SEMA3D: variants seen among roughly 807,000 people sequenced by gnomAD.
SEMA3D encodes semaphorin-3D.
In SEMA3D, 84 loss-of-function variants were observed where a neutral mutation model predicts 100.1. That is an observed-to-expected ratio of 0.84 (90% confidence interval 0.70 to 1.01). The LOEUF is 1.01. Among genes scored for constraint, SEMA3D ranks in the 50% least tolerant of loss-of-function variants. The pLI is 0.00. For missense variants in SEMA3D, 875 were observed against 934.1 expected (o/e 0.94, Z 0.82); for synonymous variants, 312 against 320.7 (o/e 0.97, Z 0.29).
At chr7:85,230,152 C>T in the SEMA3D span, among the ~76,000 whole-genome samples, 1 of 151,986 alleles carries the variant, frequency 6.6e-6, no homozygotes, top group South Asian at 2.1e-4. Flanking sequence ...TTGTTCACTT[C>T]TTCCATTCTC....
At chr7:85,053,539 A>T (rs981455443) in intron 9 of SEMA3D, among the ~76,000 whole-genome samples, 6 of 151,982 alleles carry the variant, frequency 3.9e-5, no homozygotes, top group African/African-American at 1.4e-4. Flanking sequence ...ATCTTGTCAT[A>T]TTTTAAATAA....
intron 14 of SEMA3D, among the ~76,000 whole-genome samples, chr7:85,019,670 G>A (rs1790200759): frequency 6.6e-6 from 1 of 151,606 alleles, no homozygotes; most frequent in African/African-American, 2.4e-5. Flanking sequence ...GATTTACAAA[G>A]CATGCCACAA....
intron 12 of SEMA3D, among the ~76,000 whole-genome samples, chr7:85,031,978 A>C (rs1027364776): frequency 6.6e-6 from 1 of 152,006 alleles, no homozygotes; most frequent in African/African-American, 2.4e-5. Context: ...AATCAGATAA[A>C]TATTAGGAAA....
At chr7:85,197,382 C>A in the SEMA3D span, among the ~76,000 whole-genome samples, 1 of 152,112 alleles carries the variant, frequency 6.6e-6, no homozygotes, top group Non-Finnish European at 1.5e-5. Flanking sequence ...TTCTGTGATC[C>A]CAGGTTTTTA....
intron 12 of SEMA3D, chr7:85,029,258 C>T (rs1562789057): frequency 1.3e-6 from 1 of 792,862 alleles, no homozygotes; most frequent in Non-Finnish European, 2.2e-6. Flanking sequence ...TCCTCAATGT[C>T]TACTCTCACT....
chr7:85,146,647 GAA>G (rs1245539010), intron 2 of SEMA3D, among the ~76,000 whole-genome samples: 1 of 151,778 alleles, frequency 6.6e-6, no homozygotes, highest in African/African-American at 2.4e-5. Context: ...ATTTTCGAAA[GAA>G]AATAAAAACT....
chr7:85,195,365 T>A, the SEMA3D span, among the ~76,000 whole-genome samples: 1 of 152,138 alleles, frequency 6.6e-6, no homozygotes, highest in Non-Finnish European at 1.5e-5. Flanking sequence ...TATTCTATAA[T>A]CCCCAGACTT....
At chr7:85,146,692 T>C (rs1254566254) in intron 2 of SEMA3D, among the ~76,000 whole-genome samples, 2 of 151,646 alleles carry the variant, frequency 1.3e-5, no homozygotes, top group Non-Finnish European at 2.9e-5. Flanking sequence ...ATAAAAGAAA[T>C]GGAGAAATAA....
Position 85,040,039 on chromosome 7 carries a change from C to T in SEMA3D, c.1046+634G>A, listed in dbSNP as rs1239913389. Among the ~76,000 whole-genome samples the T allele has an allele frequency of 5.0e-5, 7 of 141,358 alleles. No homozygotes were observed. The East Asian group carries it at 8.3e-4, about 17-fold the overall frequency. 92.7% of individuals were successfully genotyped at this position (141,358 alleles called of 152,430 possible). A position where few individuals can be genotyped will look rare whatever the true frequency, so the allele number is the denominator to read the frequency against. On this transcript the variant is annotated intron_variant, in intron 11 of 18. Coordinates refer to ENST00000284136, the MANE Select transcript of SEMA3D (RefSeq NM_001384900.1). Reference sequence around the variant, plus strand: ...TCACCCAGGCTGGAGTGCAGTGGTACCATCATGGCTCACTGCAGCCTCTAC... The same window carrying T: ...TCACCCAGGCTGGAGTGCAGTGGTATCATCATGGCTCACTGCAGCCTCTAC...
chr7:85,050,081 AC>A (rs1791119635), intron 9 of SEMA3D, among the ~76,000 whole-genome samples: 1 of 130,974 alleles, frequency 7.6e-6, no homozygotes, highest in East Asian at 2.4e-4. Flanking sequence ...AAACACACAC[AC>A]ACACACACAC....
intron 2 of SEMA3D, 31 bp downstream of exon 2, chr7:85,153,577 C>T (rs527403669): frequency 6.9e-6 from 1 of 145,448 alleles, no homozygotes; most frequent in East Asian, 2.0e-4. Context: ...ATCTATCTAT[C>T]TATTGAGGTT....
At chr7:85,173,210 A>G (rs1170674713) in intron 1 of SEMA3D, among the ~76,000 whole-genome samples, 1 of 152,088 alleles carries the variant, frequency 6.6e-6, no homozygotes, top group Non-Finnish European at 1.5e-5. Flanking sequence ...TAAATGGAGT[A>G]AAAAAATATT....
the SEMA3D span, among the ~76,000 whole-genome samples, chr7:85,211,844 A>G: frequency 6.6e-6 from 1 of 152,242 alleles, no homozygotes; most frequent in South Asian, 2.1e-4. Flanking sequence ...AATTTTAAAA[A>G]TAACATTATC....
At chr7:85,231,580 G>A in the SEMA3D span, among the ~76,000 whole-genome samples, 1 of 151,348 alleles carries the variant, frequency 6.6e-6, no homozygotes, top group Non-Finnish European at 1.5e-5. Context: ...CCTCCCCAGT[G>A]GCTGGGACTA....
intron 1 of SEMA3D, among the ~76,000 whole-genome samples, chr7:85,154,515 C>A (rs551267877): frequency 6.6e-6 from 1 of 151,934 alleles, no homozygotes; most frequent in African/African-American, 2.4e-5. Context: ...TTTCTCTGTA[C>A]CAAGGCTGAC....
chr7:85,134,557 C>G (rs1240716224), intron 2 of SEMA3D, among the ~76,000 whole-genome samples: 2 of 151,826 alleles, frequency 1.3e-5, no homozygotes, highest in South Asian at 2.1e-4. Context: ...TCATTTGTAC[C>G]TTCCAGAACA....
chr7:85,156,184 C>A (rs770939787), intron 1 of SEMA3D, among the ~76,000 whole-genome samples: 2 of 151,078 alleles, frequency 1.3e-5, no homozygotes, highest in African/African-American at 4.9e-5. Flanking sequence ...CTCACTGCAA[C>A]CTCCACCTCC....
the SEMA3D span, among the ~76,000 whole-genome samples, chr7:85,216,271 G>GT: frequency 1.3e-5 from 2 of 151,722 alleles, no homozygotes; most frequent in Non-Finnish European, 2.9e-5. Context: ...AATTATAGGG[G>GT]TTTTTTGTCA....
chr7:85,246,754 T>G, the SEMA3D span, among the ~76,000 whole-genome samples: 1 of 151,922 alleles, frequency 6.6e-6, no homozygotes, highest in African/African-American at 2.4e-5. Flanking sequence ...GGAATTCCAC[T>G]CTTTGGTAGG....
Sources: allele counts gnomAD v4.1 joint callset (sites outside exome capture counted in the v4.1 genomes callset), GRCh38; gene constraint gnomAD v4.1.1; transcripts MANE v1.5; gene names NCBI Gene and HGNC (gene_info 2026-07-23, HGNC 2026-07-21).